The following ABCA1 variants were observed in gnomAD, a reference collection of about 807,000 sequenced individuals.
ABCA1 encodes phospholipid-transporting ATPase ABCA1.
ABCA1 carries 133 observed loss-of-function variants against 262.5 expected under a neutral mutation model. That is an observed-to-expected ratio of 0.51 (90% CI 0.44 to 0.59). The LOEUF is 0.59. ABCA1 is among the 20% of genes least tolerant of loss of function. The pLI is 0.00. For missense variants in ABCA1, 2,452 were observed against 2,777.5 expected, an observed-to-expected ratio of 0.88 and a Z score of 2.63; for synonymous variants, 1,022 against 1,043.5, an observed-to-expected ratio of 0.98 and a Z score of 0.40.
chr9:104,884,170 AT>A (rs1838947589), intron 4 of ABCA1, among the ~76,000 whole-genome samples: 1 of 152,184 alleles, frequency 6.6e-6, no homozygotes, highest in African/African-American at 2.4e-5. Flanking sequence ...AACATATAGT[AT>A]ATTCCAAAAT....
chr9:104,809,319 T>C (rs1327183216), intron 30 of ABCA1, 147 bp downstream of exon 30: 1 of 844,254 alleles, frequency 1.2e-6, no homozygotes, highest in Non-Finnish European at 2.0e-6. Context: ...GTTACTACCT[T>C]CGCTTTTTGT....
At chr9:104,898,220 C>T (rs1840373466) in intron 2 of ABCA1, among the ~76,000 whole-genome samples, 1 of 152,106 alleles carries the variant, frequency 6.6e-6, no homozygotes, top group Non-Finnish European at 1.5e-5. Flanking sequence ...GACAATGTGG[C>T]CTGACTACCT....
At position 104,786,984 on chromosome 9, in the gene ABCA1, T is replaced by C; in HGVS notation, c.6205-8A>G. ...GCCTGTGGTGGGTTCATCCTGTAAT[T>C]AGAATAAAATAAGTCTTATTTGCTG... On this transcript the variant is annotated splice_region_variant and splice_polypyrimidine_tract_variant and intron_variant, in intron 46 of 49. Transcript: ENST00000374736. The C allele has an allele frequency of 6.2e-7, 1 of 1,607,858 alleles. No homozygotes were observed. Among genetic ancestry groups the C allele is most frequent in the Non-Finnish European group, 8.5e-7 (1 of 1,176,578 alleles).
chr9:104,910,589 T>C (rs776117032), intron 1 of ABCA1, among the ~76,000 whole-genome samples: 19 of 151,880 alleles, frequency 1.3e-4, no homozygotes, highest in Non-Finnish European at 2.1e-4. Flanking sequence ...CAAGAGAGTA[T>C]GTGTGTGTGT....
At chr9:104,848,936 G>A (rs769429136) in intron 7 of ABCA1, among the ~76,000 whole-genome samples, 8 of 152,110 alleles carry the variant, frequency 5.3e-5, no homozygotes, top group Admixed American at 3.9e-4. Flanking sequence ...AGATACAGTA[G>A]TCACCAAGTG....
At position 104,828,842 on chromosome 9, in the gene ABCA1, T is replaced by A. The variant is rs1227050381; in HGVS notation, c.2115+74A>T. 6.1e-6 allele frequency: 9 copies of A among 1,478,692 alleles called. 1 individual carries two copies. The Admixed American group carries it at 1.7e-4, about 27-fold the overall frequency. The allele number at this position is 1,478,692 out of a possible 1,614,324, so 91.6% of individuals were successfully genotyped here. A position where few individuals can be genotyped will look rare whatever the true frequency, so the allele number is the denominator to read the frequency against. On this transcript the variant is annotated intron_variant, in intron 15 of 49. Coordinates refer to ENST00000374736, the MANE Select transcript of ABCA1 (RefSeq NM_005502.4). ...TACCAGAGGCTTGGATTTTTTTTCT[T>A]CTTCTCCTCCCTTAGCCCGTGTTGA...
chr9:104,783,357 T>G lies in ABCA1; in HGVS notation c.*958A>C, dbSNP rs962672002. 6 of 152,212 alleles carry G rather than the reference T, an allele frequency of 3.9e-5. No homozygotes were observed. Among genetic ancestry groups the G allele is most frequent in the African/African-American group, 1.4e-4 (6 of 41,440 alleles). The allele number at this position is 152,212 out of a possible 1,614,324, so 9.4% of individuals were successfully genotyped here. A position where few individuals can be genotyped will look rare whatever the true frequency, so the allele number is the denominator to read the frequency against. ...TTCAAAAAGCCAGAAATAATACACT[T>G]GTGTCAGATAAACATCTTGAGATGC... On this transcript the variant is annotated 3_prime_UTR_variant, in exon 50 of 50. Coordinates refer to ENST00000374736, the MANE Select transcript of ABCA1 (RefSeq NM_005502.4).
chr9:104,854,273 A>G (rs1397782726), intron 7 of ABCA1, among the ~76,000 whole-genome samples: 1 of 152,204 alleles, frequency 6.6e-6, no homozygotes, highest in Admixed American at 6.5e-5. Flanking sequence ...TGAGCTCCAA[A>G]GCAGATTCAT....
chr9:104,831,547 A>G, intron 13 of ABCA1, 75 bp downstream of exon 13: 1 of 1,221,792 alleles, frequency 8.2e-7, no homozygotes, highest in East Asian at 2.4e-5. Context: ...GTTAAAATAA[A>G]GTACCTCTTG....
Position 104,883,124 on chromosome 9 carries a change from A to C in ABCA1, c.336T>G (p.Leu112=), listed in dbSNP as rs778508074. 1 of 1,614,178 alleles carries C rather than the reference A, an allele frequency of 6.2e-7. No homozygotes were observed. Among genetic ancestry groups the C allele is most frequent in the South Asian group, 1.1e-5 (1 of 91,086 alleles). The change falls in exon 5 of 50, where the codon CTT becomes CTG. Residue 112 remains leucine, a synonymous_variant. Coordinates refer to ENST00000374736, the MANE Select transcript of ABCA1 (RefSeq NM_005502.4). ...TGGTGTCTTTCTGGCTGTATAAAAG[A>C]AGCCTCCGAGCATCTGAGAACAGGC... ...VARLFSDARR[L]LLYSQKDTSM...
intron 44 of ABCA1, among the ~76,000 whole-genome samples, chr9:104,789,101 C>A (rs949734991): frequency 4.6e-5 from 7 of 152,238 alleles, no homozygotes; most frequent in African/African-American, 1.7e-4. Flanking sequence ...AGACTGATGA[C>A]TGCACCTCAG....
intron 11 of ABCA1, among the ~76,000 whole-genome samples, chr9:104,833,265 T>A (rs1347010395): frequency 6.6e-6 from 1 of 152,188 alleles, no homozygotes. Context: ...CACCGCAGCC[T>A]TGACCTCCCA....
At position 104,793,305 on chromosome 9, in the gene ABCA1, T is replaced by C. The variant is rs545684070; in HGVS notation, c.5507-5A>G. On this transcript the variant is annotated splice_polypyrimidine_tract_variant and splice_region_variant and intron_variant, in intron 40 of 49. Transcript: ENST00000374736. ...GTGACACAAAGCGATTCTCCCCTAGTAGACACAATGCAGAGATCCGGTCAG... is the reference window on the plus strand; with the variant it reads ...GTGACACAAAGCGATTCTCCCCTAGCAGACACAATGCAGAGATCCGGTCAG... The C allele has an allele frequency of 1.2e-6, 2 of 1,614,080 alleles. No individual in the cohort carries two copies. Among genetic ancestry groups the C allele is most frequent in the Non-Finnish European group, 8.5e-7 (1 of 1,179,996 alleles).
At position 104,889,100 on chromosome 9, in the gene ABCA1, A is replaced by T; in HGVS notation, c.160+2T>A. On this transcript the variant is annotated splice_donor_variant, in intron 3 of 49. Transcript: ENST00000374736. LOFTEE classifies it high-confidence loss of function. ...TCTCAGGCAACATCCACAGTTACTT[A>T]CATTCATGTTGTTCATAGGGTGGGT... is the stretch of plus-strand genomic sequence containing the variant. The T allele has an allele frequency of 2.5e-6, 4 of 1,613,186 alleles. No homozygotes were observed. Among genetic ancestry groups the T allele is most frequent in the African/African-American group, 1.3e-5 (1 of 75,034 alleles).
chr9:104,891,880 A>C (rs1322702866), intron 2 of ABCA1, among the ~76,000 whole-genome samples: 1 of 148,038 alleles, frequency 6.8e-6, no homozygotes, highest in Non-Finnish European at 1.5e-5. Flanking sequence ...CAGGAGAATC[A>C]CTTAAACCTG....
In ABCA1 at chr9:104,924,626, G is replaced by A. The variant is rs2994375; in HGVS notation, c.-93+3309C>T. Among the ~76,000 whole-genome samples the A allele has an allele frequency of 4.0e-3, 393 of 99,034 alleles. 5 individuals carry two copies. The highest frequency in any genetic ancestry group is 8.3e-3 in the South Asian group (17 of 2,054). The allele number at this position is 99,034 out of a possible 152,430, so 65.0% of individuals were successfully genotyped here. A position where few individuals can be genotyped will look rare whatever the true frequency, so the allele number is the denominator to read the frequency against. On this transcript the variant is annotated intron_variant, in intron 1 of 49. Transcript: ENST00000374736. Reference sequence around the variant, plus strand: ...CTCCATCTCAGAAAAAAAAAAAAAAGAAAAAGTATTTGGTTTTAAAAGTAT... The same window carrying A: ...CTCCATCTCAGAAAAAAAAAAAAAAAAAAAAGTATTTGGTTTTAAAAGTAT...
chr9:104,793,723 A>G (rs1317855892), intron 40 of ABCA1, among the ~76,000 whole-genome samples: 1 of 152,170 alleles, frequency 6.6e-6, no homozygotes, highest in African/African-American at 2.4e-5. Context: ...TATCCTAGTG[A>G]ATCAATTAAA....
At chr9:104,821,541 G>T in intron 19 of ABCA1, 35 bp from the exon 20 acceptor site, 1 of 1,612,642 alleles carries the variant, frequency 6.2e-7, no homozygotes, top group East Asian at 2.2e-5. Flanking sequence ...AGAAGTCAGG[G>T]TTGACCTACC....
chr9:104,790,599 A>C (rs1829341682), intron 44 of ABCA1, among the ~76,000 whole-genome samples: 1 of 152,192 alleles, frequency 6.6e-6, no homozygotes. Context: ...CTAAAACTGG[A>C]TTGTGGTGAT....
Sources: allele counts gnomAD v4.1 joint callset (sites outside exome capture counted in the v4.1 genomes callset), GRCh38; gene constraint gnomAD v4.1.1; transcripts MANE v1.5; gene names NCBI Gene and HGNC (gene_info 2026-07-23, HGNC 2026-07-21).